GABRB3: variants seen among roughly 807,000 people sequenced by gnomAD.
The protein encoded by GABRB3 is gamma-aminobutyric acid receptor subunit beta-3.
A neutral mutation model predicts 52.1 loss-of-function variants in GABRB3; 14 were observed. That is an observed-to-expected ratio of 0.27 (90% CI 0.18 to 0.42). GABRB3 has a LOEUF of 0.42. GABRB3 is among the 10% of genes least tolerant of loss of function. The pLI is 1.00. For missense variants in GABRB3, 307 were observed against 609.1 expected (o/e 0.50, Z 5.22); for synonymous variants, 260 against 232.3 (o/e 1.12, Z -1.08).
chr15:26,587,594 G>A (rs530189442), intron 4 of GABRB3, among the ~76,000 whole-genome samples: 6 of 152,192 alleles, frequency 3.9e-5, no homozygotes, highest in Middle Eastern at 3.4e-3. Context: ...AGAAATCATC[G>A]AATGTGTGCT....
chr15:26,588,142 T>C (rs1891064983), intron 4 of GABRB3, among the ~76,000 whole-genome samples: 1 of 152,186 alleles, frequency 6.6e-6, no homozygotes, highest in Non-Finnish European at 1.5e-5. Context: ...CAATATATCC[T>C]TTCTTTACAG....
chr15:26,629,511 G>A (rs1418769979), intron 3 of GABRB3, among the ~76,000 whole-genome samples: 1 of 152,204 alleles, frequency 6.6e-6, no homozygotes, highest in Non-Finnish European at 1.5e-5. Context: ...GGCAGGAGGA[G>A]GAGGGGGTAT....
chr15:26,602,232 T>C lies in GABRB3; in HGVS notation c.462-18818A>G, dbSNP rs116858434. On this transcript the variant is annotated intron_variant, in intron 4 of 8. Transcript: ENST00000311550. ...ACTAATGATTGCAAACATATATGAA[T>C]CCAATACTGGAGCATCCAGATGCAT... Among the ~76,000 whole-genome samples, 298 of 152,084 alleles carry C rather than the reference T, an allele frequency of 2.0e-3. 6 individuals carry two copies. In the East Asian group the frequency reaches 0.037, roughly 19 times the overall value.
At chr15:26,764,149 CAAAAAAAAAAAAA>C (rs1165542034) in intron 3 of GABRB3, among the ~76,000 whole-genome samples, 2,298 of 17,718 alleles carry the variant, frequency 0.13, 195 homozygotes, top group East Asian at 0.23. Context: ...GACTCGGTCT[CAAAAAAAAAAAAA>C]AAAAAAAAAA....
chr15:26,583,314 A>T lies in GABRB3; in HGVS notation c.544+18T>A. 1.3e-6 allele frequency: 2 copies of T among 1,592,876 alleles called. No individual in the cohort carries two copies. The highest frequency in any genetic ancestry group is 1.7e-6 in the Non-Finnish European group (2 of 1,160,630). On this transcript the variant is annotated intron_variant, in intron 5 of 8. Coordinates refer to ENST00000311550, the MANE Select transcript of GABRB3 (RefSeq NM_000814.6). The stretch of plus-strand genomic sequence containing the variant: ...AGTACAAATAGGAGGAGAAAGAAAC[A>T]CAGATACGGATACACACAGCTTTCA...
At chr15:26,601,605 G>T (rs1030820990) in intron 4 of GABRB3, among the ~76,000 whole-genome samples, 9 of 151,968 alleles carry the variant, frequency 5.9e-5, no homozygotes, top group African/African-American at 1.7e-4. Context: ...CAAAAAAAGA[G>T]AAATAACAAA....
At chr15:26,700,560 G>T (rs1335966283) in intron 3 of GABRB3, among the ~76,000 whole-genome samples, 3 of 152,186 alleles carry the variant, frequency 2.0e-5, no homozygotes, top group Non-Finnish European at 4.4e-5. Context: ...CATTTTGGCA[G>T]AAGTTTTCAA....
At chr15:26,690,601 T>C (rs1473967738) in intron 3 of GABRB3, among the ~76,000 whole-genome samples, 1 of 151,844 alleles carries the variant, frequency 6.6e-6, no homozygotes, top group African/African-American at 2.4e-5. Context: ...TGATGGGTAG[T>C]GGGCACACTC....
Position 26,769,368 on chromosome 15 carries a change from T to G in GABRB3, c.240+3034A>C, listed in dbSNP as rs770886848. Among the ~76,000 whole-genome samples the G allele has an allele frequency of 9.9e-5, 15 of 152,272 alleles. 2 individuals carry two copies. The East Asian group carries it at 1.7e-3, about 18-fold the overall frequency. Reference sequence around the variant, plus strand: ...ATTCATTCTACCTCACCATCGCTAATCCTCTATCTAAATTAACTTTTTGGC... The same window carrying G: ...ATTCATTCTACCTCACCATCGCTAAGCCTCTATCTAAATTAACTTTTTGGC... On this transcript the variant is annotated intron_variant, in intron 3 of 8. Coordinates refer to ENST00000311550, the MANE Select transcript of GABRB3 (RefSeq NM_000814.6).
At chr15:26,746,348 C>A (rs1890338245) in intron 3 of GABRB3, among the ~76,000 whole-genome samples, 1 of 152,032 alleles carries the variant, frequency 6.6e-6, no homozygotes, top group African/African-American at 2.4e-5. Flanking sequence ...TTTATATACT[C>A]CAAGTTCTTT....
At chr15:26,638,874 C>G (rs1893122499) in intron 3 of GABRB3, among the ~76,000 whole-genome samples, 1 of 152,138 alleles carries the variant, frequency 6.6e-6, no homozygotes, top group African/African-American at 2.4e-5. Context: ...TGCTGAGCCA[C>G]TGGCAGAGGA....
intron 6 of GABRB3, among the ~76,000 whole-genome samples, chr15:26,579,086 G>T (rs1295556504): frequency 6.6e-6 from 1 of 152,158 alleles, no homozygotes; most frequent in East Asian, 1.9e-4. Flanking sequence ...TGGCTCTTAG[G>T]GGCTGGGGTG....
intron 3 of GABRB3, among the ~76,000 whole-genome samples, chr15:26,702,879 A>C (rs763883898): frequency 6.6e-6 from 1 of 152,224 alleles, no homozygotes; most frequent in Non-Finnish European, 1.5e-5. Flanking sequence ...TCTCAAATAG[A>C]TGTGAGGAAT....
At chr15:26,627,123 A>G (rs1180453055) in intron 3 of GABRB3, among the ~76,000 whole-genome samples, 3 of 152,128 alleles carry the variant, frequency 2.0e-5, no homozygotes, top group East Asian at 1.9e-4. Context: ...TACTCCGCCT[A>G]TGCTCAAAAA....
intron 3 of GABRB3, among the ~76,000 whole-genome samples, chr15:26,755,160 T>C (rs2140176357): frequency 6.6e-6 from 1 of 152,118 alleles, no homozygotes; most frequent in African/African-American, 2.4e-5. Context: ...CAGGTCACCA[T>C]GCCCGGCTAA....
intron 3 of GABRB3, among the ~76,000 whole-genome samples, chr15:26,729,201 G>A (rs1889846180): frequency 1.3e-5 from 2 of 152,122 alleles, no homozygotes; most frequent in Admixed American, 1.3e-4. Context: ...TGGTCCCGCT[G>A]CACAGTGTAT....
At chr15:26,745,379 T>C (rs558724392) in intron 3 of GABRB3, among the ~76,000 whole-genome samples, 10 of 152,370 alleles carry the variant, frequency 6.6e-5, no homozygotes, top group African/African-American at 2.4e-4. Flanking sequence ...GTTTTCTCAG[T>C]GTTTACATCT....
At position 26,586,262 on chromosome 15, in the gene GABRB3, G is replaced by A. The variant is rs375418966; in HGVS notation, c.462-2848C>T. On this transcript the variant is annotated intron_variant, in intron 4 of 8. Transcript: ENST00000311550. The stretch of plus-strand genomic sequence containing the variant: ...TCCACCCGCCTTGGTCTCCTAAAGT[G>A]CTGGGATTACAGGCGTGAGCCACCG... Among the ~76,000 whole-genome samples the A allele has an allele frequency of 6.6e-5, 10 of 152,206 alleles. 1 individual carries two copies. The highest frequency in any genetic ancestry group is 6.5e-5 in the Admixed American group (1 of 15,292).
intron 3 of GABRB3, among the ~76,000 whole-genome samples, chr15:26,655,843 G>T (rs979318342): frequency 2.4e-4 from 37 of 151,978 alleles, no homozygotes; most frequent in African/African-American, 8.7e-4. Context: ...CTGCTAATCA[G>T]CTCATTAGAC....
Sources: allele counts gnomAD v4.1 joint callset (sites outside exome capture counted in the v4.1 genomes callset), GRCh38; gene constraint gnomAD v4.1.1; transcripts MANE v1.5; gene names NCBI Gene and HGNC (gene_info 2026-07-23, HGNC 2026-07-21).